Variants in P2RX2 observed in about 807,000 individuals in gnomAD.
P2RX2 encodes the protein P2X purinoceptor 2.
In P2RX2, 50 loss-of-function variants were observed where a neutral mutation model predicts 54.8. That is an observed-to-expected ratio of 0.91 (90% CI 0.73 to 1.15). The LOEUF (loss-of-function observed/expected upper bound fraction) is 1.15. Among genes scored for constraint, P2RX2 ranks in the 50% most tolerant of loss-of-function variants. P2RX2 has a pLI of 0.00. For missense variants in P2RX2, 658 were observed against 633.2 expected (o/e 1.04, Z -0.42); for synonymous variants, 289 against 259.4 (o/e 1.11, Z -1.09).
intron 4 of P2RX2, 31 bp from the exon 5 acceptor site, chr12:132,619,969 C>T (rs1215368386): frequency 1.9e-6 from 3 of 1,574,894 alleles, no homozygotes; most frequent in Non-Finnish European, 2.6e-6. Flanking sequence ...GCTGCGTCCC[C>T]GCTAATGCCT....
In P2RX2 at chr12:132,620,583, G is replaced by A. The variant is rs367657574; in HGVS notation, c.774G>A (p.Lys258=). The change falls in exon 7 of 11, where the codon AAG becomes AAA. Residue 258 remains lysine, a splice_region_variant and synonymous_variant. Transcript: ENST00000643471. The part of the protein sequence containing the change: ...AGESFTELAH[K]GGVIGVIINW... Reference sequence around the variant, plus strand: ...AGAGCTTCACAGAGCTCGCACACAAGGCAGGGCAAGCGCAGGCAGGGTGGG... The same window carrying A: ...AGAGCTTCACAGAGCTCGCACACAAAGCAGGGCAAGCGCAGGCAGGGTGGG... 7 of 1,612,550 alleles carry A rather than the reference G, an allele frequency of 4.3e-6. No individual in the cohort carries two copies. The highest frequency in any genetic ancestry group is 5.9e-6 in the Non-Finnish European group (7 of 1,179,994).
rs200706884 is a variant in P2RX2 at position 132,619,551 on chromosome 12, G to A, written c.286G>A (p.Glu96Lys). Residue 96 changes from glutamate (E) to lysine (K), a missense_variant, in exon 2 of 11, where the codon GAG (glutamate) becomes AAG (lysine). Physicochemically the swap from Glu to Lys is moderately conservative, Grantham distance 56. Transcript: ENST00000643471. ...TTSEHKVWDV[E>K]EYVKPPEGGS... ...GTCCGAGCACAAAGTGTGGGACGTG[G>A]AGGAGTACGTGAAGCCCCCCGAGGT... The A allele has an allele frequency of 6.2e-7, 1 of 1,612,022 alleles. No individual in the cohort carries two copies. The highest frequency in any genetic ancestry group is 8.5e-7 in the Non-Finnish European group (1 of 1,179,330).
intron 6 of P2RX2, 47 bp downstream of exon 6, chr12:132,620,394 C>T (rs1165353370): frequency 1.2e-6 from 2 of 1,614,064 alleles, no homozygotes; most frequent in Non-Finnish European, 1.7e-6. Flanking sequence ...GGGCTGCCTT[C>T]TGGGAATGGG....
At chr12:132,619,300 G>C (rs1316831514) in intron 1 of P2RX2, 139 bp from the exon 2 acceptor site, 1 of 875,522 alleles carries the variant, frequency 1.1e-6, no homozygotes. Flanking sequence ...AGGGGCTGGG[G>C]CTGGGACCGA....
chr12:132,619,160 CGGGGCAGGGGCTGGGACTGGGGGCGT>C (rs1291365399), intron 1 of P2RX2, among the ~76,000 whole-genome samples, 171 bp downstream of exon 1: 293 of 20,228 alleles, frequency 0.014, 10 homozygotes, highest in Admixed American at 0.035. Context: ...ATTGGGGGCG[CGGGGCAGGGGCTGGGACTGGGGGCGT>C]GGGGCAGGGG....
In P2RX2 at chr12:132,621,942, C is replaced by T. The variant is rs2041715114; in HGVS notation, c.1386C>T (p.Pro462=). Residue 462 remains proline (P), a synonymous_variant, in exon 11 of 11, where the codon CCC becomes CCT. Coordinates refer to ENST00000643471, the MANE Select transcript of P2RX2 (RefSeq NM_170682.4). ...PASEPAQAST[P]TDPKGLAQL ...CCGAGCCTGCCCAAGCCTCCACACCCACAGACCCCAAAGGTTTGGCTCAAC... is the reference window on the plus strand; with the variant it reads ...CCGAGCCTGCCCAAGCCTCCACACCTACAGACCCCAAAGGTTTGGCTCAAC... The T allele has an allele frequency of 3.1e-6, 5 of 1,613,740 alleles. 1 individual carries two copies. The African/African-American group carries it at 4.0e-5, about 13-fold the overall frequency.
In P2RX2 at chr12:132,620,282, G is replaced by C; in HGVS notation, c.570G>C (p.Thr190=). 6.2e-7 allele frequency: 1 copy of C among 1,613,968 alleles called. No homozygotes were observed. Among genetic ancestry groups the C allele is most frequent in the Non-Finnish European group, 8.5e-7 (1 of 1,179,838 alleles). ...DGASVSQFLG[T]MAPNFTILIK... ...GCCTCCTCAGCCAATTTCTGGGTAC[G>C]ATGGCCCCAAATTTCACCATCCTCA... Residue 190 remains threonine, a synonymous_variant, in exon 6 of 11, where the codon ACG becomes ACC. Coordinates refer to ENST00000643471, the MANE Select transcript of P2RX2 (RefSeq NM_170682.4).
Position 132,620,256 on chromosome 12 carries a change from T to A in P2RX2, c.555-11T>A. The A allele has an allele frequency of 5.6e-6, 9 of 1,612,270 alleles. No homozygotes were observed. Among genetic ancestry groups the A allele is most frequent in the Non-Finnish European group, 7.6e-6 (9 of 1,178,288 alleles). ...AAGAGGGGACTAAACAACCCTTCTG[T>A]GCCTCCTCAGCCAATTTCTGGGTAC... On this transcript the variant is annotated splice_polypyrimidine_tract_variant and intron_variant, in intron 5 of 10. Transcript: ENST00000643471.
At chr12:132,620,134 C>G (rs1286905925) in intron 5 of P2RX2, 38 bp downstream of exon 5, 2 of 1,537,496 alleles carry the variant, frequency 1.3e-6, no homozygotes, top group Non-Finnish European at 1.8e-6. Context: ...AGCCTCCCCT[C>G]TGATCCTTTT....
Position 132,618,885 on chromosome 12 carries a change from C to G in P2RX2, c.69C>G (p.Ser23=), listed in dbSNP as rs756774341. 7.3e-7 allele frequency: 1 copy of G among 1,377,324 alleles called. No individual in the cohort carries two copies. Among genetic ancestry groups the G allele is most frequent in the Admixed American group, 2.8e-5 (1 of 35,306 alleles). 85.3% of individuals were successfully genotyped at this position (1,377,324 alleles called of 1,614,324 possible). ...GGCGCCTGGCCCGGGGCTGCTGGTC[C>G]GCCCTCTGGGACTACGAGACGCCCA... ...TARRLARGCW[S]ALWDYETPKV... The change falls in exon 1 of 11, where the codon TCC becomes TCG. Residue 23 remains serine, a synonymous_variant. Coordinates refer to ENST00000643471, the MANE Select transcript of P2RX2 (RefSeq NM_170682.4).
chr12:132,621,151 G>A lies in P2RX2; in HGVS notation c.905+20G>A, dbSNP rs753341285. The A allele has an allele frequency of 3.5e-5, 57 of 1,613,894 alleles. No individual in the cohort carries two copies. The highest frequency in any genetic ancestry group is 5.0e-5 in the Admixed American group (3 of 59,988). On this transcript the variant is annotated intron_variant, in intron 8 of 10. Coordinates refer to ENST00000643471, the MANE Select transcript of P2RX2 (RefSeq NM_170682.4). ...CTTCAGGTGCTGTACTTGGGACACC[G>A]CTGTCCACACTGGCATAGCTGTGGT... is the stretch of plus-strand genomic sequence containing the variant.
intron 1 of P2RX2, 88 bp from the exon 2 acceptor site, chr12:132,619,351 G>C: frequency 2.0e-6 from 3 of 1,491,254 alleles, no homozygotes; most frequent in Non-Finnish European, 2.7e-6. Flanking sequence ...GAGCGGACCC[G>C]GGTCGCGGGA....
At position 132,619,437 on chromosome 12, in the gene P2RX2, A is replaced by C; in HGVS notation, c.174-2A>C. On this transcript the variant is annotated splice_acceptor_variant, in intron 1 of 10. Transcript: ENST00000643471. LOFTEE classifies it high-confidence loss of function. ...CGGAGCCGGCGCCGCCCCTGCCCGC[A>C]GGTACGTATTCATCGTGCAGAAAAG... The C allele has an allele frequency of 6.2e-7, 1 of 1,611,284 alleles. No homozygotes were observed. The highest frequency in any genetic ancestry group is 1.1e-5 in the South Asian group (1 of 91,020).
intron 6 of P2RX2, 37 bp downstream of exon 6, chr12:132,620,384 G>A: frequency 6.2e-7 from 1 of 1,613,920 alleles, no homozygotes; most frequent in Non-Finnish European, 8.5e-7. Context: ...CCCAGCCTGA[G>A]GGCTGCCTTC....
At chr12:132,620,240 C>A in intron 5 of P2RX2, 27 bp from the exon 6 acceptor site, 1 of 1,601,218 alleles carries the variant, frequency 6.2e-7, no homozygotes, top group Non-Finnish European at 8.6e-7. Flanking sequence ...GAAGAGGGGA[C>A]TAAACAACCC....
At position 132,621,006 on chromosome 12, in the gene P2RX2, T is replaced by C; in HGVS notation, c.780T>C (p.Gly260=). ...CTCTGGCTCCTTCTTGGCAGGGTGG[T>C]GTCATCGGGGTCATTATCAACTGGG... The part of the protein sequence containing the change: ...ESFTELAHKG[G]VIGVIINWDC... The change falls in exon 8 of 11, where the codon GGT becomes GGC. Residue 260 remains glycine, a synonymous_variant. Coordinates refer to ENST00000643471, the MANE Select transcript of P2RX2 (RefSeq NM_170682.4). 1 of 1,613,872 alleles carries C rather than the reference T, an allele frequency of 6.2e-7. No individual in the cohort carries two copies. Among genetic ancestry groups the C allele is most frequent in the Non-Finnish European group, 8.5e-7 (1 of 1,179,946 alleles).
At position 132,621,839 on chromosome 12, in the gene P2RX2, A is replaced by T. The variant is rs992121099; in HGVS notation, c.1283A>T (p.Glu428Val). The T allele has an allele frequency of 4.3e-6, 7 of 1,612,120 alleles. No individual in the cohort carries two copies. Among genetic ancestry groups the T allele is most frequent in the Non-Finnish European group, 5.1e-6 (6 of 1,179,204 alleles). The stretch of plus-strand genomic sequence containing the variant: ...GGCCAGGAGGGCCAACAAGGGGCAG[A>T]GTGTGGCCCAGCCTTCCCGCCCCTG... ...PSGQEGQQGA[E>V]CGPAFPPLRP... The change falls in exon 11 of 11, where the codon GAG (glutamate) becomes GTG (valine). Residue 428 changes from glutamate (E) to valine (V), a missense_variant. Transcript: ENST00000643471.
chr12:132,621,727 T>C lies in P2RX2; in HGVS notation c.1171T>C (p.Trp391Arg), dbSNP rs878899758. The change falls in exon 11 of 11, where the codon TGG becomes CGG. Residue 391 changes from tryptophan (W) to arginine (R), a missense_variant. Physicochemically the swap from Trp to Arg is moderately radical, Grantham distance 101. Transcript: ENST00000643471. ...TACGCCGAGCCACCCCTCAGGTAGC[T>C]GGCCTGTGACCCTTGCCCGTGTATT... Reference protein sequence around the residue: ...VCTPSHPSGSWPVTLARVLGQ... With the variant: ...VCTPSHPSGSRPVTLARVLGQ... The C allele has an allele frequency of 6.2e-7, 1 of 1,612,018 alleles. No individual in the cohort carries two copies. Among genetic ancestry groups the C allele is most frequent in the South Asian group, 1.1e-5 (1 of 90,682 alleles).
rs949460590 is a variant in P2RX2, at chr12:132,620,686, C to G, written c.774+103C>G. 3.1e-6 allele frequency: 4 copies of G among 1,283,790 alleles called. No individual in the cohort carries two copies. The African/African-American group carries it at 5.6e-5, about 18-fold the overall frequency. 79.5% of individuals were successfully genotyped at this position (1,283,790 alleles called of 1,614,324 possible). On this transcript the variant is annotated intron_variant, in intron 7 of 10. Coordinates refer to ENST00000643471, the MANE Select transcript of P2RX2 (RefSeq NM_170682.4). The stretch of plus-strand genomic sequence containing the variant: ...TCCCTCCTCCCTCCTGACCAGCTGG[C>G]CCCGCTCAGGCAGAGGAAAAGAAAT...
Sources: gnomAD v4.1 joint callset for allele counts (sites outside exome capture counted in the v4.1 genomes callset) on GRCh38, gnomAD v4.1.1 for gene constraint, MANE v1.5 for transcripts, NCBI Gene and HGNC (gene_info 2026-07-23, HGNC 2026-07-21) for gene names.